Variants in DNAAF10 observed in about 807,000 individuals in gnomAD.
DNAAF10 encodes the protein dynein axonemal assembly factor 10, also known as WD repeat domain 92.
Under a neutral mutation model 43.7 loss-of-function variants are expected in DNAAF10, and 28 were observed. The ratio of observed to expected loss-of-function variants is 0.64; its 90% confidence interval spans 0.48 to 0.88. The LOEUF is 0.88. DNAAF10 is among the 40% of genes least tolerant of loss of function. The pLI, the probability that DNAAF10 is intolerant of heterozygous loss-of-function variation, is 0.00. For synonymous variants in DNAAF10, 156 were observed against 157.3 expected, an observed-to-expected ratio of 0.99 and a Z score of 0.06; for missense variants, 403 against 439.1, an observed-to-expected ratio of 0.92 and a Z score of 0.73.
chr2:68,138,728 A>G lies in DNAAF10; in HGVS notation c.633+14T>C. 1 of 1,588,700 alleles carries G rather than the reference A, an allele frequency of 6.3e-7. No individual in the cohort carries two copies. The highest frequency in any genetic ancestry group is 8.6e-7 in the Non-Finnish European group (1 of 1,156,988). Reference sequence around the variant, plus strand: ...ATGCTCAGAGAAACCAAAAAGCCTCAGAATGTACTTTACCCCATTTTTGAT... The same window carrying G: ...ATGCTCAGAGAAACCAAAAAGCCTCGGAATGTACTTTACCCCATTTTTGAT... On this transcript the variant is annotated intron_variant, in intron 5 of 7. Transcript: ENST00000295121.
At chr2:68,150,990 A>G (rs1673444839) in intron 1 of DNAAF10, among the ~76,000 whole-genome samples, 1 of 152,226 alleles carries the variant, frequency 6.6e-6, no homozygotes, top group African/African-American at 2.4e-5. Flanking sequence ...GAGAATTGCT[A>G]CCTTCAAAGG....
At chr2:68,154,413 A>AT (rs1558613881) in intron 1 of DNAAF10, among the ~76,000 whole-genome samples, 2 of 151,294 alleles carry the variant, frequency 1.3e-5, no homozygotes, top group African/African-American at 4.9e-5. Flanking sequence ...CGCCCGGCTG[A>AT]TTTTTTGTAT....
Position 68,144,591 on chromosome 2 carries a change from G to C in DNAAF10, c.409C>G (p.Arg137Gly), listed in dbSNP as rs781414054. 1.9e-6 allele frequency: 3 copies of C among 1,613,562 alleles called. No individual in the cohort carries two copies. The highest frequency in any genetic ancestry group is 1.7e-5 in the Admixed American group (1 of 59,886). The stretch of plus-strand genomic sequence containing the variant: ...ATAGAATACAGGGACTCACCATCTC[G>C]GCTGCCAGTCACAATTTCAGGTGCT... ...EGAPEIVTGS[R>G]DGTVKVWDPR... is the part of the protein sequence containing the mutation. The change falls in exon 3 of 8, where the codon CGA becomes GGA. Residue 137 changes from arginine to glycine, a missense_variant. Arg to Gly is a moderately radical substitution (Grantham distance 125, BLOSUM62 -2). Coordinates refer to ENST00000295121, the MANE Select transcript of DNAAF10 (RefSeq NM_138458.4).
intron 2 of DNAAF10, among the ~76,000 whole-genome samples, chr2:68,145,940 C>G (rs1673305218): frequency 5.3e-5 from 8 of 152,066 alleles, no homozygotes; most frequent in Admixed American, 5.2e-4. Flanking sequence ...TATTATTGGG[C>G]CAAGATTTAT....
intron 1 of DNAAF10, among the ~76,000 whole-genome samples, chr2:68,155,633 C>T (rs528262832): frequency 2.0e-5 from 3 of 151,784 alleles, no homozygotes; most frequent in South Asian, 4.2e-4. Context: ...TTCCAGGCTG[C>T]GATGAGCTAT....
At chr2:68,145,396 T>C (rs924389414) in intron 2 of DNAAF10, among the ~76,000 whole-genome samples, 1 of 152,050 alleles carries the variant, frequency 6.6e-6, no homozygotes, top group Non-Finnish European at 1.5e-5. Context: ...TTAAATTCCA[T>C]CCACCAAATA....
At chr2:68,132,966 A>C (rs2103880421) in intron 7 of DNAAF10, among the ~76,000 whole-genome samples, 1 of 152,002 alleles carries the variant, frequency 6.6e-6, no homozygotes, top group Admixed American at 6.5e-5. Flanking sequence ...TACAAAGAAA[A>C]CTGGGACTAG....
At chr2:68,156,477 A>G (rs1031405461) in intron 1 of DNAAF10, among the ~76,000 whole-genome samples, 9 of 152,206 alleles carry the variant, frequency 5.9e-5, no homozygotes, top group African/African-American at 1.9e-4. Flanking sequence ...AGTTACTATC[A>G]TTATTCTCTA....
At chr2:68,146,427 A>G (rs1673317689) in intron 2 of DNAAF10, among the ~76,000 whole-genome samples, 1 of 152,200 alleles carries the variant, frequency 6.6e-6, no homozygotes, top group African/African-American at 2.4e-5. Context: ...AAATTATAAG[A>G]TTTATCAATG....
intron 5 of DNAAF10, among the ~76,000 whole-genome samples, chr2:68,137,902 C>T (rs940716072): frequency 2.8e-5 from 4 of 140,876 alleles, no homozygotes; most frequent in African/African-American, 1.1e-4. Context: ...TGGCCAGGCA[C>T]AGTGGCTCAC....
At position 68,151,047 on chromosome 2, in the gene DNAAF10, T is replaced by G. The variant is rs1673446022; in HGVS notation, c.184-3480A>C. ...AGTCTACACAATAAGCTCTATACAT[T>G]TTCACAGTTGTCATTGCATCCCTTC... On this transcript the variant is annotated intron_variant, in intron 1 of 7. Transcript: ENST00000295121. 3.9e-5 allele frequency among the ~76,000 whole-genome samples: 6 copies of G among 152,340 alleles called. No individual in the cohort carries two copies. In the South Asian group the frequency reaches 1.0e-3, roughly 26 times the overall value.
chr2:68,141,351 A>AT (rs1673174982), intron 4 of DNAAF10, among the ~76,000 whole-genome samples: 1 of 152,270 alleles, frequency 6.6e-6, no homozygotes, highest in African/African-American at 2.4e-5. Context: ...ACAGGAACAC[A>AT]TAATAATAAG....
intron 1 of DNAAF10, among the ~76,000 whole-genome samples, chr2:68,153,340 T>TA (rs1673500960): frequency 9.0e-6 from 1 of 111,282 alleles, no homozygotes; most frequent in Admixed American, 1.0e-4. Flanking sequence ...AAGTCAGTGA[T>TA]AAATTAAAAA....
chr2:68,138,654 G>A, intron 5 of DNAAF10, 88 bp downstream of exon 5: 1 of 936,588 alleles, frequency 1.1e-6, no homozygotes, highest in Non-Finnish European at 1.7e-6. Flanking sequence ...ACTCAGATGA[G>A]TTACTAGAGG....
chr2:68,151,116 T>C (rs978447879), intron 1 of DNAAF10, among the ~76,000 whole-genome samples: 5 of 152,232 alleles, frequency 3.3e-5, no homozygotes, highest in Non-Finnish European at 7.3e-5. Context: ...AGAAGTAAAA[T>C]GTATCTACAT....
At chr2:68,154,085 T>C (rs76555570) in intron 1 of DNAAF10, among the ~76,000 whole-genome samples, 3,475 of 151,940 alleles carry the variant, frequency 0.023, 132 homozygotes, top group African/African-American at 0.079. Flanking sequence ...TTTGTATTAG[T>C]TTTACCCTCT....
At chr2:68,140,692 T>C (rs1673155614) in intron 4 of DNAAF10, among the ~76,000 whole-genome samples, 3 of 152,194 alleles carry the variant, frequency 2.0e-5, no homozygotes, top group African/African-American at 4.8e-5. Flanking sequence ...CTTAGAACTA[T>C]CTTCAGGCCG....
intron 6 of DNAAF10, among the ~76,000 whole-genome samples, chr2:68,136,593 C>T (rs959706431): frequency 6.6e-6 from 1 of 152,200 alleles, no homozygotes; most frequent in African/African-American, 2.4e-5. Context: ...GAATCTGTAA[C>T]TGATCTTTCT....
At chr2:68,140,242 C>T (rs370791086) in intron 4 of DNAAF10, among the ~76,000 whole-genome samples, 17 of 152,148 alleles carry the variant, frequency 1.1e-4, no homozygotes, top group Admixed American at 2.6e-4. Flanking sequence ...CCCCTAACTT[C>T]GTTTTTCTCA....
Sources: gnomAD v4.1 joint callset for allele counts (sites outside exome capture counted in the v4.1 genomes callset) on GRCh38, gnomAD v4.1.1 for gene constraint, MANE v1.5 for transcripts, NCBI Gene and HGNC (gene_info 2026-07-23, HGNC 2026-07-21) for gene names.